Variants in HDAC9 observed in about 807,000 individuals in gnomAD.
The protein encoded by HDAC9 is histone deacetylase 9, also known as MEF-2 interacting transcription repressor (MITR) protein.
HDAC9 carries 41 observed loss-of-function variants against 139.4 expected under a neutral mutation model. The observed-to-expected ratio is 0.29, with a 90% confidence interval of 0.23 to 0.38. The LOEUF (loss-of-function observed/expected upper bound fraction) is 0.38. Ranked by LOEUF, HDAC9 falls within the 10% of genes least tolerant of loss-of-function variation. The pLI is 1.00. For synonymous variants in HDAC9, 517 were observed against 476.2 expected, an observed-to-expected ratio of 1.09 and a Z score of -1.12; for missense variants, 1,147 against 1,297.0, an observed-to-expected ratio of 0.88 and a Z score of 1.78.
chr7:18,406,501 T>C (rs1182188834), intron 1 of HDAC9, among the ~76,000 whole-genome samples: 4 of 152,044 alleles, frequency 2.6e-5, no homozygotes, highest in African/African-American at 7.2e-5. Flanking sequence ...TTACGCCATT[T>C]TCCTGCCTCA....
chr7:18,162,093 G>T, intron 1 of HDAC9: 1 of 519,778 alleles, frequency 1.9e-6, no homozygotes. Flanking sequence ...AGACCTGTAA[G>T]GTTGATATGA....
chr7:18,501,717 G>A (rs111713885), intron 2 of HDAC9, among the ~76,000 whole-genome samples: 145 of 152,210 alleles, frequency 9.5e-4, no homozygotes, highest in African/African-American at 3.2e-3. Flanking sequence ...GTGAAGAGGA[G>A]GGGCTTTTTC....
chr7:18,527,679 G>T (rs892211911), intron 2 of HDAC9, among the ~76,000 whole-genome samples: 1 of 152,070 alleles, frequency 6.6e-6, no homozygotes, highest in Admixed American at 6.6e-5. Flanking sequence ...AAATTAAAAT[G>T]TAAAAATTTT....
intron 2 of HDAC9, among the ~76,000 whole-genome samples, chr7:18,254,060 C>A (rs1795087617): frequency 6.6e-6 from 1 of 152,206 alleles, no homozygotes; most frequent in Non-Finnish European, 1.5e-5. Context: ...GTAAAATTTT[C>A]TGGACTTTCA....
chr7:18,835,714 T>C, intron 20 of HDAC9, 128 bp downstream of exon 20: 1 of 1,337,158 alleles, frequency 7.5e-7, no homozygotes, highest in Non-Finnish European at 1.1e-6. Flanking sequence ...AATTGTCCCA[T>C]GGGACCAAGA....
intron 25 of HDAC9, among the ~76,000 whole-genome samples, chr7:18,987,771 C>T (rs1233429445): frequency 6.6e-6 from 1 of 152,074 alleles, no homozygotes; most frequent in Non-Finnish European, 1.5e-5. Context: ...TTCAGAGATT[C>T]AACTTCTTCC....
intron 17 of HDAC9, among the ~76,000 whole-genome samples, chr7:18,813,099 G>C (rs773529250): frequency 4.0e-5 from 6 of 151,492 alleles, no homozygotes; most frequent in Non-Finnish European, 5.9e-5. Context: ...TCAGATTTTT[G>C]TCTTATACTT....
intron 2 of HDAC9, chr7:18,543,386 T>C (rs1305346061): frequency 6.6e-6 from 1 of 152,334 alleles, no homozygotes; most frequent in Non-Finnish European, 1.5e-5. Flanking sequence ...GCCCTGCTGC[T>C]TCTGTCTTCT....
chr7:18,728,924 G>A (rs1230678737), intron 13 of HDAC9, among the ~76,000 whole-genome samples: 1 of 151,992 alleles, frequency 6.6e-6, no homozygotes, highest in African/African-American at 2.4e-5. Context: ...CTATGAGCTG[G>A]GTCTATTTCT....
chr7:18,501,355 A>C (rs1368702537), intron 2 of HDAC9, among the ~76,000 whole-genome samples: 1 of 152,094 alleles, frequency 6.6e-6, no homozygotes, highest in East Asian at 1.9e-4. Context: ...CTTTCTGAGC[A>C]GGGACAGACT....
At chr7:18,564,019 T>G (rs1821462709) in intron 2 of HDAC9, among the ~76,000 whole-genome samples, 1 of 152,000 alleles carries the variant, frequency 6.6e-6, no homozygotes, top group Non-Finnish European at 1.5e-5. Flanking sequence ...GTATTTTTAG[T>G]AGAGACAGGA....
At chr7:18,743,139 G>A (rs1432376203) in intron 13 of HDAC9, among the ~76,000 whole-genome samples, 1 of 152,098 alleles carries the variant, frequency 6.6e-6, no homozygotes, top group Non-Finnish European at 1.5e-5. Flanking sequence ...GCCAGCAAAT[G>A]TGTAGTGAAT....
intron 1 of HDAC9, among the ~76,000 whole-genome samples, chr7:18,431,464 A>G (rs1790654762): frequency 6.6e-6 from 1 of 152,148 alleles, no homozygotes; most frequent in South Asian, 2.1e-4. Context: ...CGTGACATGA[A>G]TTTTGATACC....
At chr7:18,685,458 G>A (rs1584838220) in intron 12 of HDAC9, among the ~76,000 whole-genome samples, 2 of 151,810 alleles carry the variant, frequency 1.3e-5, no homozygotes, top group Admixed American at 6.6e-5. Flanking sequence ...GATCTTCATC[G>A]AAAGACTATG....
intron 2 of HDAC9, among the ~76,000 whole-genome samples, chr7:18,507,553 G>A (rs1800193610): frequency 6.6e-6 from 1 of 151,964 alleles, no homozygotes; most frequent in Non-Finnish European, 1.5e-5. Context: ...AGAGTGCAAT[G>A]GCGCCCTCTT....
At position 18,126,363 on chromosome 7, in the gene HDAC9, G is replaced by A. The variant is rs1360875421; in HGVS notation, c.-96-35866G>A. 2.0e-5 allele frequency among the ~76,000 whole-genome samples: 3 copies of A among 152,118 alleles called. No homozygotes were observed. In the East Asian group the frequency reaches 5.8e-4, roughly 29 times the overall value. ...GGTCAGTTTTTACATTCTGAATAGA[G>A]CACGTGTTTTTTCTGAGTCAGACAG... On this transcript the variant is annotated intron_variant, in intron 1 of 12. Transcript: ENST00000417496.
chr7:18,088,530 T>C (rs1781943123), intron 1 of HDAC9, among the ~76,000 whole-genome samples: 1 of 152,224 alleles, frequency 6.6e-6, no homozygotes, highest in African/African-American at 2.4e-5. Flanking sequence ...TGAAAAGGCC[T>C]GGATGTTTTC....
intron 1 of HDAC9, among the ~76,000 whole-genome samples, chr7:18,303,375 T>TTG (rs71014320): frequency 0.12 from 15,002 of 127,478 alleles, 987 homozygotes; most frequent in East Asian, 0.15. Flanking sequence ...CCCAGCCAAT[T>TTG]TGTGTGTGTG....
rs556534293 is a variant in HDAC9, at chr7:18,739,322, G to T, written c.1910-9683G>T. ...TCCATTGCTGGCAAGGGGCTGAAAT[G>T]CTTTGCAGGAGAAGAGGCACTCAGG... On this transcript the variant is annotated intron_variant, in intron 13 of 25. Transcript: ENST00000686413. 8.4e-4 allele frequency among the ~76,000 whole-genome samples: 128 copies of T among 152,358 alleles called. 1 individual carries two copies. The highest frequency in any genetic ancestry group is 2.9e-3 in the African/African-American group (122 of 41,592).
Sources: gnomAD v4.1 joint callset for allele counts (sites outside exome capture counted in the v4.1 genomes callset) on GRCh38, gnomAD v4.1.1 for gene constraint, MANE v1.5 for transcripts, NCBI Gene and HGNC (gene_info 2026-07-23, HGNC 2026-07-21) for gene names.